The following RYR3 variants were observed in gnomAD, a reference collection of about 807,000 sequenced individuals.
RYR3 encodes the protein brain ryanodine receptor-calcium release channel.
Under a neutral mutation model 584.3 loss-of-function variants are expected in RYR3, and 207 were observed. That is an observed-to-expected ratio of 0.35 (90% CI 0.32 to 0.40). The LOEUF is 0.40. RYR3 is among the 10% of genes least tolerant of loss of function. RYR3 has a pLI of 1.00. For synonymous variants in RYR3, 2,416 were observed against 2,248.5 expected (o/e 1.07, Z -2.11); for missense variants, 5,616 against 6,089.2 (o/e 0.92, Z 2.59).
intron 2 of RYR3, among the ~76,000 whole-genome samples, chr15:33,500,554 A>G (rs1341762190): frequency 6.6e-6 from 1 of 152,066 alleles, no homozygotes; most frequent in Non-Finnish European, 1.5e-5. Context: ...GGACATTTGG[A>G]AATGTAGTGC....
At position 33,540,883 on chromosome 15, in the gene RYR3, CGAA is replaced by C; in HGVS notation, c.644_646del (p.Glu215del). 2 of 1,606,604 alleles carry C rather than the reference CGAA, an allele frequency of 1.2e-6. No homozygotes were observed. The highest frequency in any genetic ancestry group is 1.7e-6 in the Non-Finnish European group (2 of 1,173,406). ...ATCCTACGTGCTCAGGAAGTAGCATCGAAGAAGGTGTGCTTCTTTAAATGCATT... is the reference window on the plus strand; with the variant it reads ...ATCCTACGTGCTCAGGAAGTAGCATCGAAGGTGTGCTTCTTTAAATGCATT... On this transcript the variant is annotated inframe_deletion, in exon 7 of 104. Coordinates refer to ENST00000634891, the MANE Select transcript of RYR3 (RefSeq NM_001036.6).
At chr15:33,829,422 T>C (rs1316589394) in intron 85 of RYR3, among the ~76,000 whole-genome samples, 1 of 152,064 alleles carries the variant, frequency 6.6e-6, no homozygotes, top group Non-Finnish European at 1.5e-5. Context: ...TTGAAAACCT[T>C]CTGGAAAGGA....
intron 16 of RYR3, among the ~76,000 whole-genome samples, chr15:33,588,231 G>T (rs657473): frequency 0.12 from 17,581 of 152,152 alleles, 1,134 homozygotes; most frequent in Middle Eastern, 0.19. Context: ...CGGAGCCTGG[G>T]TCCTTAGACG....
At chr15:33,817,801 A>G (rs2076895792) in intron 75 of RYR3, among the ~76,000 whole-genome samples, 3 of 152,118 alleles carry the variant, frequency 2.0e-5, no homozygotes, top group South Asian at 2.1e-4. Flanking sequence ...GAAGTTGACA[A>G]TGAGCGTCAC....
At chr15:33,675,208 G>A (rs1016311525) in intron 38 of RYR3, among the ~76,000 whole-genome samples, 4 of 152,216 alleles carry the variant, frequency 2.6e-5, no homozygotes, top group East Asian at 1.9e-4. Context: ...TAACACTTAC[G>A]TGGTACCCAC....
At chr15:33,330,733 C>A (rs1460323148) in intron 1 of RYR3, among the ~76,000 whole-genome samples, 1 of 152,102 alleles carries the variant, frequency 6.6e-6, no homozygotes, top group African/African-American at 2.4e-5. Flanking sequence ...GAGCAGGATG[C>A]CATAGGTTGT....
Position 33,362,172 on chromosome 15 carries a change from A to G in RYR3, c.51+51076A>G, listed in dbSNP as rs548504165. On this transcript the variant is annotated intron_variant, in intron 1 of 103. Coordinates refer to ENST00000634891, the MANE Select transcript of RYR3 (RefSeq NM_001036.6). ...TCTTACTTTTTGTGCTGAATGCTCT[A>G]TAGTGCTTGTAAATAGAATTCCCCA... Among the ~76,000 whole-genome samples the G allele has an allele frequency of 7.9e-5, 12 of 152,304 alleles. No homozygotes were observed. In the East Asian group the frequency reaches 1.9e-3, roughly 24 times the overall value.
intron 1 of RYR3, among the ~76,000 whole-genome samples, chr15:33,413,585 TC>T (rs1255286404): frequency 6.6e-6 from 1 of 152,158 alleles, no homozygotes; most frequent in Non-Finnish European, 1.5e-5. Context: ...AGATATGTGG[TC>T]TGCAGACTGA....
In RYR3 at chr15:33,630,175, A is replaced by C. The variant is rs1470984310; in HGVS notation, c.2783+132A>C. ...TGATAAATTAGAGGAGATGATGATG[A>C]ATCATGTCACAAGAGGATTTAGCAT... On this transcript the variant is annotated intron_variant, in intron 22 of 103. Transcript: ENST00000634891. 3 of 588,766 alleles carry C rather than the reference A, an allele frequency of 5.1e-6. No individual in the cohort carries two copies. In the African/African-American group the frequency reaches 5.6e-5, roughly 11 times the overall value. The allele number at this position is 588,766 out of a possible 1,614,324, so 36.5% of individuals were successfully genotyped here. A position where few individuals can be genotyped will look rare whatever the true frequency, so the allele number is the denominator to read the frequency against.
chr15:33,832,737 G>A (rs1016887688), intron 86 of RYR3, among the ~76,000 whole-genome samples: 2 of 151,564 alleles, frequency 1.3e-5, no homozygotes, highest in Admixed American at 6.6e-5. Flanking sequence ...CAGGTGCAGT[G>A]GCTCACTGGG....
At chr15:33,519,912 G>A (rs1029242087) in intron 3 of RYR3, among the ~76,000 whole-genome samples, 31 of 152,182 alleles carry the variant, frequency 2.0e-4, no homozygotes, top group African/African-American at 7.5e-4. Context: ...TTGTTTTGCT[G>A]GGTAATATAA....
At chr15:33,699,253 T>TC (rs57036072) in intron 40 of RYR3, among the ~76,000 whole-genome samples, 16,992 of 65,086 alleles carry the variant, frequency 0.26, 1,439 homozygotes, top group Admixed American at 0.38. Context: ...TCTCTCTCTC[T>TC]CCCCCCCTTT....
intron 1 of RYR3, among the ~76,000 whole-genome samples, chr15:33,409,941 G>T (rs1042999545): frequency 1.3e-5 from 2 of 152,178 alleles, no homozygotes; most frequent in African/African-American, 4.8e-5. Context: ...AAACACCAGG[G>T]CCTGTGATCC....
In RYR3 at chr15:33,676,645, G is replaced by A. The variant is rs1596105571; in HGVS notation, c.5860+6089G>A. Among the ~76,000 whole-genome samples the A allele has an allele frequency of 1.4e-5, 2 of 138,990 alleles. 1 individual carries two copies. Among genetic ancestry groups the A allele is most frequent in the Admixed American group, 1.4e-4 (2 of 14,572 alleles). The allele number at this position is 138,990 out of a possible 152,430, so 91.2% of individuals were successfully genotyped here. A position where few individuals can be genotyped will look rare whatever the true frequency, so the allele number is the denominator to read the frequency against. On this transcript the variant is annotated intron_variant, in intron 38 of 103. Transcript: ENST00000634891. ...TTATTTAGCTCCATAGAGGTTGCAA[G>A]AAGATTTTTTCCACACAGTCTGATT...
chr15:33,361,836 C>T (rs192780257), intron 1 of RYR3, among the ~76,000 whole-genome samples: 1 of 152,274 alleles, frequency 6.6e-6, no homozygotes, highest in African/African-American at 2.4e-5. Flanking sequence ...GCTAATTGAT[C>T]CGGGATGGGG....
chr15:33,703,814 A>C (rs2066476474), intron 42 of RYR3, among the ~76,000 whole-genome samples: 1 of 152,200 alleles, frequency 6.6e-6, no homozygotes, highest in African/African-American at 2.4e-5. Context: ...TGTCAGATTC[A>C]ATCAGTATTT....
intron 1 of RYR3, among the ~76,000 whole-genome samples, chr15:33,419,984 C>T (rs980445742): frequency 6.6e-6 from 1 of 152,166 alleles, no homozygotes; most frequent in Admixed American, 6.5e-5. Flanking sequence ...TGAAGTACAA[C>T]ACAGCTGGCC....
intron 3 of RYR3, among the ~76,000 whole-genome samples, chr15:33,521,982 G>A (rs554462946): frequency 2.6e-5 from 4 of 151,992 alleles, no homozygotes; most frequent in South Asian, 2.1e-4. Context: ...GGCCAGATGC[G>A]GTGGCTCATG....
At chr15:33,802,035 T>G (rs2075944771) in intron 69 of RYR3, 74 bp downstream of exon 69, 1 of 920,576 alleles carries the variant, frequency 1.1e-6, no homozygotes, top group Non-Finnish European at 1.8e-6. Flanking sequence ...GTTTCATACT[T>G]TCTGGGGATT....
Sources: gnomAD v4.1 joint callset for allele counts (sites outside exome capture counted in the v4.1 genomes callset) on GRCh38, gnomAD v4.1.1 for gene constraint, MANE v1.5 for transcripts, NCBI Gene and HGNC (gene_info 2026-07-23, HGNC 2026-07-21) for gene names.